MUSK: variants seen among roughly 807,000 people sequenced by gnomAD.
MUSK encodes muscle, skeletal receptor tyrosine-protein kinase.
MUSK carries 55 observed loss-of-function variants against 88.7 expected under a neutral mutation model. The ratio of observed to expected loss-of-function variants is 0.62; its 90% CI spans 0.50 to 0.78. MUSK has a LOEUF of 0.78. MUSK is among the 30% of genes least tolerant of loss of function. The pLI, the probability that MUSK is intolerant of heterozygous loss-of-function variation, is 0.00. For missense variants in MUSK, 1,015 were observed against 1,074.3 expected, an observed-to-expected ratio of 0.94 and a Z score of 0.77; for synonymous variants, 387 against 391.9, an observed-to-expected ratio of 0.99 and a Z score of 0.15.
At chr9:110,683,442 G>A (rs1427482473) in intron 2 of MUSK, among the ~76,000 whole-genome samples, 2 of 152,082 alleles carry the variant, frequency 1.3e-5, no homozygotes, top group Non-Finnish European at 2.9e-5. Flanking sequence ...AACAAACATA[G>A]GAGTATAGAT....
chr9:110,726,343 G>A lies in MUSK; in HGVS notation c.629-7908G>A, dbSNP rs547287381. 3.3e-5 allele frequency among the ~76,000 whole-genome samples: 5 copies of A among 151,854 alleles called. 2 individuals are homozygous for A. In the South Asian group the frequency reaches 1.0e-3, roughly 32 times the overall value. The stretch of plus-strand genomic sequence containing the variant: ...TTGCACTGCTTCCAATCCCAAATAA[G>A]GCAAAATGAACAATAGTAGCAACAA... On this transcript the variant is annotated intron_variant, in intron 5 of 14. Transcript: ENST00000374448.
chr9:110,752,614 T>C (rs948488476), intron 7 of MUSK, among the ~76,000 whole-genome samples: 13 of 152,206 alleles, frequency 8.5e-5, no homozygotes, highest in Admixed American at 6.5e-5. Context: ...AACAGCCCCC[T>C]CTGTCATGTT....
intron 5 of MUSK, among the ~76,000 whole-genome samples, chr9:110,729,339 A>G (rs1217642452): frequency 2.1e-5 from 3 of 146,314 alleles, no homozygotes; most frequent in South Asian, 4.2e-4. Flanking sequence ...AAAAAAAAAA[A>G]AAAAAGAAAA....
chr9:110,739,221 C>G (rs997330620), intron 6 of MUSK, among the ~76,000 whole-genome samples: 3 of 152,128 alleles, frequency 2.0e-5, no homozygotes, highest in African/African-American at 7.2e-5. Flanking sequence ...TTTAGATAAG[C>G]TGTTATGATT....
intron 3 of MUSK, among the ~76,000 whole-genome samples, chr9:110,690,281 T>TATATAC (rs1564219694): frequency 1.0e-5 from 1 of 98,428 alleles, no homozygotes; most frequent in Non-Finnish European, 1.8e-5. Context: ...TACAAATATA[T>TATATAC]AAATATATAT....
chr9:110,707,147 C>T (rs937483082), intron 5 of MUSK, among the ~76,000 whole-genome samples: 15 of 151,938 alleles, frequency 9.9e-5, no homozygotes, highest in Non-Finnish European at 1.6e-4. Flanking sequence ...TCCAGGAGTT[C>T]GAGACAAGCC....
At chr9:110,705,266 T>C (rs7856889) in intron 5 of MUSK, among the ~76,000 whole-genome samples, 71,748 of 152,000 alleles carry the variant, frequency 0.47, 17,606 homozygotes, top group East Asian at 0.77. Context: ...TTGTCAAAGG[T>C]AATTGATTCC....
chr9:110,775,407 G>A (rs552765303), intron 9 of MUSK: 1 of 247,266 alleles, frequency 4.0e-6, no homozygotes, highest in Non-Finnish European at 7.8e-6. Flanking sequence ...GGTTGACAAT[G>A]ATCCTGACTT....
Position 110,805,767 on chromosome 9 carries a change from TA to T in MUSK, c.*4782del, listed in dbSNP as rs1456581551. Among the ~76,000 whole-genome samples, 2 of 152,012 alleles carry T rather than the reference TA, an allele frequency of 1.3e-5. No homozygotes were observed. Among genetic ancestry groups the T allele is most frequent in the African/African-American group, 4.8e-5 (2 of 41,446 alleles). On this transcript the variant is annotated 3_prime_UTR_variant, in exon 15 of 15. Transcript: ENST00000374448. Reference sequence around the variant, plus strand: ...TAGCGATATCCTTGTCTTCTAGGAATAAACTTTTTGGGCGAATCATATCAAT... The same window carrying T: ...TAGCGATATCCTTGTCTTCTAGGAATAACTTTTTGGGCGAATCATATCAAT...
chr9:110,680,623 T>G (rs1564208874), intron 1 of MUSK, among the ~76,000 whole-genome samples: 1 of 151,896 alleles, frequency 6.6e-6, no homozygotes, highest in Admixed American at 6.6e-5. Context: ...TGAGCTCAAG[T>G]GATCTGCCCT....
chr9:110,781,360 T>C (rs1224696429), intron 11 of MUSK, among the ~76,000 whole-genome samples: 1 of 152,156 alleles, frequency 6.6e-6, no homozygotes, highest in Non-Finnish European at 1.5e-5. Context: ...CACTGCAAGC[T>C]CCGCCTCCCG....
At chr9:110,703,179 T>C (rs1267906929) in intron 5 of MUSK, among the ~76,000 whole-genome samples, 1 of 151,996 alleles carries the variant, frequency 6.6e-6, no homozygotes, top group Non-Finnish European at 1.5e-5. Flanking sequence ...CATAACATCA[T>C]AGAAATTATA....
At chr9:110,754,626 A>G (rs978996673) in intron 7 of MUSK, among the ~76,000 whole-genome samples, 14 of 152,180 alleles carry the variant, frequency 9.2e-5, no homozygotes, top group African/African-American at 3.4e-4. Flanking sequence ...GGGCTCTATC[A>G]TTTACATAAC....
chr9:110,762,700 A>G (rs1261039160), intron 8 of MUSK, among the ~76,000 whole-genome samples: 1 of 152,240 alleles, frequency 6.6e-6, no homozygotes, highest in African/African-American at 2.4e-5. Context: ...TAACCTATAT[A>G]TAAGAAGGTA....
At chr9:110,712,201 T>G (rs1445804601) in intron 5 of MUSK, among the ~76,000 whole-genome samples, 1 of 151,484 alleles carries the variant, frequency 6.6e-6, no homozygotes, top group Non-Finnish European at 1.5e-5. Context: ...GGGAGAAGGG[T>G]CTCTGCTGAG....
At chr9:110,690,502 A>G (rs1172059168) in intron 3 of MUSK, among the ~76,000 whole-genome samples, 10 of 55,456 alleles carry the variant, frequency 1.8e-4, no homozygotes, top group Non-Finnish European at 2.9e-4. Context: ...AAATATAAGT[A>G]TATATATAAA....
rs2076105876 is a variant in MUSK at position 110,681,024 on chromosome 9, A to T, written c.80-1650A>T. On this transcript the variant is annotated intron_variant, in intron 1 of 14. Transcript: ENST00000374448. ...TATTATATTATATATAATATATATTATATATTATATATTATATAATATATA... is the reference window on the plus strand; with the variant it reads ...TATTATATTATATATAATATATATTTTATATTATATATTATATAATATATA... Among the ~76,000 whole-genome samples, 3 of 19,594 alleles carry T rather than the reference A, an allele frequency of 1.5e-4. 1 individual carries two copies. The highest frequency in any genetic ancestry group is 1.1e-3 in the African/African-American group (3 of 2,686). 12.9% of individuals were successfully genotyped at this position (19,594 alleles called of 152,430 possible).
intron 5 of MUSK, among the ~76,000 whole-genome samples, chr9:110,710,341 A>G (rs2076652304): frequency 6.6e-6 from 1 of 152,202 alleles, no homozygotes; most frequent in Non-Finnish European, 1.5e-5. Flanking sequence ...ATTATCTAGA[A>G]CACAGAGTTC....
At position 110,734,261 on chromosome 9, in the gene MUSK, G is replaced by A. The variant is rs2077000551; in HGVS notation, c.639G>A (p.Arg213=). The A allele has an allele frequency of 6.2e-7, 1 of 1,611,988 alleles. No homozygotes were observed. Among genetic ancestry groups the A allele is most frequent in the South Asian group, 1.1e-5 (1 of 90,880 alleles). ...VVKLEVEVFA[R]ILRAPESHNV... Reference sequence around the variant, plus strand: ...CTGTCTTCCTAACAGTTTTTGCCAGGATCCTGCGGGCTCCTGAATCCCACA... The same window carrying A: ...CTGTCTTCCTAACAGTTTTTGCCAGAATCCTGCGGGCTCCTGAATCCCACA... The change falls in exon 6 of 15, where the codon AGG becomes AGA. Residue 213 remains arginine, a synonymous_variant. Coordinates refer to ENST00000374448, the MANE Select transcript of MUSK (RefSeq NM_005592.4).
Sources: gnomAD v4.1 joint callset for allele counts (sites outside exome capture counted in the v4.1 genomes callset) on GRCh38, gnomAD v4.1.1 for gene constraint, MANE v1.5 for transcripts, NCBI Gene and HGNC (gene_info 2026-07-23, HGNC 2026-07-21) for gene names.